The following SNX24 variants were observed in gnomAD, a reference collection of about 807,000 sequenced individuals.
SNX24 encodes sorting nexin 24.
A neutral mutation model predicts 28.7 loss-of-function variants in SNX24; 22 were observed. The observed-to-expected ratio is 0.77, with a 90% CI of 0.55 to 1.10. The LOEUF is 1.10. SNX24 is among the 50% of genes least tolerant of loss of function. The pLI is 0.00. For synonymous variants in SNX24, 69 were observed against 71.5 expected (o/e 0.96, Z 0.18); for missense variants, 221 against 201.1 (o/e 1.10, Z -0.60).
intron 5 of SNX24, among the ~76,000 whole-genome samples, chr5:123,024,283 A>G (rs527880674): frequency 4.5e-4 from 68 of 152,354 alleles, no homozygotes; most frequent in African/African-American, 1.5e-3. Context: ...TAAGCATTTT[A>G]TATTCTAAAA....
chr5:122,894,192 TAA>T (rs1757104077), intron 1 of SNX24, among the ~76,000 whole-genome samples: 1 of 152,190 alleles, frequency 6.6e-6, no homozygotes, highest in South Asian at 2.1e-4. Flanking sequence ...TAAAACTATA[TAA>T]AGATATTTTT....
intron 1 of SNX24, among the ~76,000 whole-genome samples, chr5:122,898,610 G>A: frequency 6.6e-6 from 1 of 152,096 alleles, no homozygotes; most frequent in Non-Finnish European, 1.5e-5. Context: ...TGTTGTATAG[G>A]TTAAGTGTAG....
At chr5:122,966,342 A>C (rs901714903) in intron 3 of SNX24, among the ~76,000 whole-genome samples, 4 of 152,234 alleles carry the variant, frequency 2.6e-5, no homozygotes, top group African/African-American at 9.6e-5. Context: ...ATAGGTATAC[A>C]TGTGCCATGT....
intron 3 of SNX24, among the ~76,000 whole-genome samples, chr5:122,987,869 T>TA (rs1352278037): frequency 3.9e-5 from 6 of 152,196 alleles, no homozygotes; most frequent in Admixed American, 3.9e-4. Flanking sequence ...ATAGAACAAA[T>TA]ACTTTCTTTG....
At chr5:122,966,715 T>C (rs910110662) in intron 3 of SNX24, among the ~76,000 whole-genome samples, 4 of 152,182 alleles carry the variant, frequency 2.6e-5, no homozygotes, top group Admixed American at 6.5e-5. Context: ...TACTTAACCT[T>C]GCTGAGCACT....
chr5:122,848,380 G>T (rs1201211394), intron 1 of SNX24, among the ~76,000 whole-genome samples: 2 of 151,728 alleles, frequency 1.3e-5, no homozygotes, highest in Non-Finnish European at 2.9e-5. Flanking sequence ...ATAGGCGCGG[G>T]CCACTGAGCC....
intron 1 of SNX24, among the ~76,000 whole-genome samples, chr5:122,884,775 C>T (rs1174750723): frequency 4.6e-5 from 7 of 151,892 alleles, no homozygotes; most frequent in African/African-American, 1.2e-4. Context: ...CTGTGGTTGC[C>T]GAGAGTGGAG....
intron 2 of SNX24, among the ~76,000 whole-genome samples, chr5:122,937,692 G>A (rs1759236849): frequency 6.6e-6 from 1 of 152,132 alleles, no homozygotes; most frequent in African/African-American, 2.4e-5. Flanking sequence ...ACACTTTTCT[G>A]TTAGGACGGC....
chr5:122,944,380 G>T (rs1759587941), intron 2 of SNX24, among the ~76,000 whole-genome samples: 1 of 152,074 alleles, frequency 6.6e-6, no homozygotes, highest in African/African-American at 2.4e-5. Context: ...AAGGGAACCT[G>T]GAAAACCAGT....
intron 1 of SNX24, among the ~76,000 whole-genome samples, chr5:122,897,313 T>G (rs1207841855): frequency 6.6e-6 from 1 of 152,192 alleles, no homozygotes; most frequent in Non-Finnish European, 1.5e-5. Flanking sequence ...TTCTTTTTTT[T>G]ATTTTTAAAT....
chr5:122,897,622 CA>C (rs747778433), intron 1 of SNX24, among the ~76,000 whole-genome samples: 11 of 151,310 alleles, frequency 7.3e-5, no homozygotes, highest in African/African-American at 1.9e-4. Context: ...ATTGTAAAAA[CA>C]AAAAAAAATT....
intron 1 of SNX24, among the ~76,000 whole-genome samples, chr5:122,855,470 C>A (rs1755142727): frequency 6.6e-6 from 1 of 152,162 alleles, no homozygotes; most frequent in Non-Finnish European, 1.5e-5. Context: ...ATTTTACCCT[C>A]AGAAATTCTT....
chr5:122,987,818 G>A (rs1173232736), intron 3 of SNX24, among the ~76,000 whole-genome samples: 2 of 152,114 alleles, frequency 1.3e-5, no homozygotes, highest in Non-Finnish European at 2.9e-5. Context: ...CAGAGATAGT[G>A]CTTTTTGAGA....
chr5:122,998,745 G>A (rs1412022886), intron 3 of SNX24, among the ~76,000 whole-genome samples: 1 of 152,124 alleles, frequency 6.6e-6, no homozygotes, highest in Non-Finnish European at 1.5e-5. Flanking sequence ...AGGAATTGGG[G>A]CCACTCAGTA....
At chr5:122,855,757 C>T (rs1489654929) in intron 1 of SNX24, among the ~76,000 whole-genome samples, 16 of 152,128 alleles carry the variant, frequency 1.1e-4, no homozygotes, top group Admixed American at 9.8e-4. Context: ...CTCAAGAAAC[C>T]ACTTTCTTTG....
chr5:122,976,293 T>TA (rs5871019), intron 3 of SNX24, among the ~76,000 whole-genome samples: 1,664 of 134,726 alleles, frequency 0.012, 15 homozygotes, highest in East Asian at 0.063. Context: ...ACTCAGTCAT[T>TA]AAAAAAAAAA....
At chr5:122,943,047 G>A (rs746698845) in intron 2 of SNX24, among the ~76,000 whole-genome samples, 3 of 152,114 alleles carry the variant, frequency 2.0e-5, no homozygotes, top group Non-Finnish European at 4.4e-5. Flanking sequence ...TATGTTTAAA[G>A]TGAAACTTAA....
intron 1 of SNX24, among the ~76,000 whole-genome samples, chr5:122,847,614 C>G (rs1223656273): frequency 6.6e-6 from 1 of 151,668 alleles, no homozygotes; most frequent in Non-Finnish European, 1.5e-5. Flanking sequence ...CCACCTCAGC[C>G]CCTGGAGTAG....
chr5:122,859,519 T>C (rs2150040263), intron 1 of SNX24, among the ~76,000 whole-genome samples: 2 of 152,254 alleles, frequency 1.3e-5, no homozygotes, highest in Middle Eastern at 6.8e-3. Context: ...GGAGGATTGC[T>C]TGACCCCAGG....
Sources: gnomAD v4.1 joint callset for allele counts (sites outside exome capture counted in the v4.1 genomes callset) on GRCh38, gnomAD v4.1.1 for gene constraint, MANE v1.5 for transcripts, NCBI Gene and HGNC (gene_info 2026-07-23, HGNC 2026-07-21) for gene names.